CDC42SE2: variants seen among roughly 807,000 people sequenced by gnomAD.
CDC42SE2 encodes CDC42 small effector protein 2.
In CDC42SE2, 3 loss-of-function variants were observed where a neutral mutation model predicts 11.5. That is an observed-to-expected ratio of 0.26 (90% CI 0.12 to 0.67). The LOEUF (loss-of-function observed/expected upper bound fraction) is 0.67. Ranked by LOEUF, CDC42SE2 falls within the 30% of genes least tolerant of loss-of-function variation. The pLI is 0.80. For missense variants in CDC42SE2, 82 were observed against 106.8 expected, an observed-to-expected ratio of 0.77 and a Z score of 1.02; for synonymous variants, 33 against 34.8, an observed-to-expected ratio of 0.95 and a Z score of 0.18.
chr5:131,360,120 C>T (rs370017137), intron 3 of CDC42SE2, among the ~76,000 whole-genome samples: 6 of 152,232 alleles, frequency 3.9e-5, no homozygotes, highest in African/African-American at 1.4e-4. Flanking sequence ...CTCCAGCCTC[C>T]AAATTCTGTT....
intron 1 of CDC42SE2, among the ~76,000 whole-genome samples, chr5:131,253,836 A>G (rs1194120887): frequency 6.6e-6 from 1 of 152,184 alleles, no homozygotes; most frequent in African/African-American, 2.4e-5. Flanking sequence ...CTTCCTCACT[A>G]TGAAGGATTG....
At chr5:131,350,270 A>G (rs1282730760) in intron 2 of CDC42SE2, among the ~76,000 whole-genome samples, 2 of 152,104 alleles carry the variant, frequency 1.3e-5, no homozygotes, top group South Asian at 2.1e-4. Context: ...CATGTATACA[A>G]TTAAATTCCT....
intron 2 of CDC42SE2, among the ~76,000 whole-genome samples, chr5:131,333,953 A>G (rs1305395872): frequency 6.6e-6 from 1 of 152,146 alleles, no homozygotes; most frequent in Admixed American, 6.5e-5. Flanking sequence ...AATACCCTTT[A>G]TTCCCTTCTC....
intron 2 of CDC42SE2, among the ~76,000 whole-genome samples, chr5:131,348,092 G>A (rs1758898141): frequency 6.6e-6 from 1 of 152,130 alleles, no homozygotes; most frequent in South Asian, 2.1e-4. Context: ...CACAAGACAG[G>A]GATGTCCTCT....
At chr5:131,336,932 A>T (rs6596016) in intron 2 of CDC42SE2, among the ~76,000 whole-genome samples, 1 of 150,926 alleles carries the variant, frequency 6.6e-6, no homozygotes, top group African/African-American at 2.4e-5. Flanking sequence ...CCGTTAGCAC[A>T]GAGTAGTTTG....
chr5:131,385,617 A>G lies in CDC42SE2; in HGVS notation c.129A>G (p.Ser43=). 6.2e-7 allele frequency: 1 copy of G among 1,612,972 alleles called. No homozygotes were observed. The highest frequency in any genetic ancestry group is 8.5e-7 in the Non-Finnish European group (1 of 1,179,006). ...TTGTGCATACAGCTCATGTTGGATCAGGAGACCTGTTCAGTGGAATGAATT... is the reference window on the plus strand; with the variant it reads ...TTGTGCATACAGCTCATGTTGGATCGGGAGACCTGTTCAGTGGAATGAATT... The part of the protein sequence containing the change: ...TNFVHTAHVG[S]GDLFSGMNSV... Residue 43 remains serine (S), a synonymous_variant, in exon 4 of 5, where the codon TCA becomes TCG. Transcript: ENST00000505065.
chr5:131,309,511 A>G (rs1757854196), intron 1 of CDC42SE2, among the ~76,000 whole-genome samples: 1 of 151,134 alleles, frequency 6.6e-6, no homozygotes, highest in African/African-American at 2.4e-5. Flanking sequence ...GAATAGTTTC[A>G]GAAGGAATGG....
chr5:131,326,947 G>A (rs901949897), intron 2 of CDC42SE2, among the ~76,000 whole-genome samples: 15 of 151,988 alleles, frequency 9.9e-5, no homozygotes, highest in Non-Finnish European at 2.1e-4. Flanking sequence ...TAGCTTTGTT[G>A]TGGTTCATAT....
intron 3 of CDC42SE2, among the ~76,000 whole-genome samples, chr5:131,363,399 G>A (rs774613546): frequency 5.9e-5 from 9 of 152,062 alleles, no homozygotes; most frequent in Non-Finnish European, 1.0e-4. Context: ...GTTTTGAGAC[G>A]GAGTTTTGCT....
At chr5:131,312,984 C>G (rs1677516528) in intron 1 of CDC42SE2, among the ~76,000 whole-genome samples, 1 of 151,460 alleles carries the variant, frequency 6.6e-6, no homozygotes, top group African/African-American at 2.4e-5. Context: ...TTTTTCTTTT[C>G]TTTTCTTTTT....
the CDC42SE2 span, among the ~76,000 whole-genome samples, chr5:131,217,309 T>C: frequency 6.6e-6 from 1 of 152,208 alleles, no homozygotes; most frequent in African/African-American, 2.4e-5. Context: ...TCTCTTTACA[T>C]AAAAAGTCTG....
intron 3 of CDC42SE2, among the ~76,000 whole-genome samples, chr5:131,384,754 G>A (rs1750426234): frequency 6.6e-6 from 1 of 151,876 alleles, no homozygotes; most frequent in Non-Finnish European, 1.5e-5. Flanking sequence ...CTGGAAAATG[G>A]GGCTCAGCAC....
At chr5:131,333,707 G>T (rs1314949457) in intron 2 of CDC42SE2, among the ~76,000 whole-genome samples, 1 of 151,996 alleles carries the variant, frequency 6.6e-6, no homozygotes, top group Non-Finnish European at 1.5e-5. Flanking sequence ...GGATTCCTAG[G>T]TATTTTATTC....
chr5:131,315,491 G>T (rs1231955230), intron 1 of CDC42SE2, among the ~76,000 whole-genome samples: 1 of 152,224 alleles, frequency 6.6e-6, no homozygotes, highest in Non-Finnish European at 1.5e-5. Context: ...ACATAAAGGA[G>T]AGTGGCGACT....
intron 1 of CDC42SE2, among the ~76,000 whole-genome samples, chr5:131,287,015 G>C (rs1448525388): frequency 1.3e-5 from 2 of 152,010 alleles, no homozygotes; most frequent in African/African-American, 4.8e-5. Context: ...TATTTTTTTA[G>C]ATGGAGTTTT....
chr5:131,232,372 C>T, the CDC42SE2 span, among the ~76,000 whole-genome samples: 1 of 152,088 alleles, frequency 6.6e-6, no homozygotes, highest in Non-Finnish European at 1.5e-5. Context: ...TGTCGGCCTC[C>T]CCAAAGTGCT....
chr5:131,369,012 C>T (rs1394076045), intron 3 of CDC42SE2, among the ~76,000 whole-genome samples: 1 of 152,208 alleles, frequency 6.6e-6, no homozygotes, highest in Non-Finnish European at 1.5e-5. Context: ...CCAGAAGCCT[C>T]CTTGTGTCCT....
chr5:131,271,840 C>A (rs1428592347), intron 1 of CDC42SE2, among the ~76,000 whole-genome samples: 1 of 152,076 alleles, frequency 6.6e-6, no homozygotes, highest in African/African-American at 2.4e-5. Flanking sequence ...CTGGCCAAAC[C>A]CTTACCCCCA....
At chr5:131,237,552 C>T in the CDC42SE2 span, among the ~76,000 whole-genome samples, 1 of 152,122 alleles carries the variant, frequency 6.6e-6, no homozygotes, top group East Asian at 1.9e-4. Flanking sequence ...TTTGGACATA[C>T]ATACATCACA....
Sources: gnomAD v4.1 joint callset for allele counts (sites outside exome capture counted in the v4.1 genomes callset) on GRCh38, gnomAD v4.1.1 for gene constraint, MANE v1.5 for transcripts, NCBI Gene and HGNC (gene_info 2026-07-23, HGNC 2026-07-21) for gene names.